The following USP9X variants were observed in gnomAD, a reference collection of about 807,000 sequenced individuals.
The protein encoded by USP9X is ubiquitin specific peptidase 9 X-linked, also known as ubiquitin carboxyl-terminal hydrolase 9X.
USP9X carries 7 observed loss-of-function variants against 190.3 expected under a neutral mutation model. The observed-to-expected ratio is 0.04, with a 90% CI of 0.02 to 0.07. The LOEUF is 0.07. Among genes scored for constraint, USP9X ranks in the 10% least tolerant of loss-of-function variants. USP9X has a pLI of 1.00. For missense variants in USP9X, 1,010 were observed against 1,916.9 expected (o/e 0.53, Z 8.83); for synonymous variants, 645 against 659.5 (o/e 0.98, Z 0.34).
Position 41,212,528 on chromosome X carries a change from CAA to C in USP9X, c.5189+1848_5189+1849del, listed in dbSNP as rs1197338798. Among the ~76,000 whole-genome samples the C allele has an allele frequency of 7.5e-5, 7 of 93,494 alleles. No individual in the cohort carries two copies. The East Asian group carries it at 1.7e-3, about 23-fold the overall frequency. 81.2% of individuals were successfully genotyped at this position (93,494 alleles called of 115,157 possible). Reference sequence around the variant, plus strand: ...TTTTACAAGAAAAACATTGACAAAACAAATTGTTTGACTTGAAAATTGATTAA... The same window carrying C: ...TTTTACAAGAAAAACATTGACAAAACATTGTTTGACTTGAAAATTGATTAA... On this transcript the variant is annotated intron_variant, in intron 33 of 44. Transcript: ENST00000378308.
chrX:41,182,415 C>CT (rs777620374), intron 21 of USP9X, among the ~76,000 whole-genome samples: 123 of 102,081 alleles, frequency 1.2e-3, no homozygotes, highest in Admixed American at 2.1e-3. Flanking sequence ...TTGAGCTCTT[C>CT]TTTTTTTTTT....
At chrX:41,135,251 T>C (rs901077499) in intron 5 of USP9X, among the ~76,000 whole-genome samples, 5 of 110,968 alleles carry the variant, frequency 4.5e-5, no homozygotes, top group East Asian at 2.8e-4. Flanking sequence ...ATGAACTTGC[T>C]ATGCAGAAAG....
chrX:41,085,526 T>C lies in USP9X; in HGVS notation c.-742T>C, dbSNP rs1163353655. 1.2e-4 allele frequency: 18 copies of C among 154,319 alleles called. No individual in the cohort carries two copies. In the East Asian group the frequency reaches 2.2e-3, roughly 19 times the overall value. 12.7% of individuals were successfully genotyped at this position (154,319 alleles called of 1,213,427 possible). A position where few individuals can be genotyped will look rare whatever the true frequency, so the allele number is the denominator to read the frequency against. On this transcript the variant is annotated 5_prime_UTR_variant, in exon 1 of 45. Coordinates refer to ENST00000378308, the MANE Select transcript of USP9X (RefSeq NM_001039591.3). ...CTCCGCCGCCGCCGGAGCCGCAACC[T>C]CTCCGCACCCGGCCCCGTCAGGGCC...
Position 41,168,117 on chromosome X carries a change from G to A in USP9X, c.2535G>A (p.Gln845=). The part of the protein sequence containing the change: ...GDKDSVNCAR[Q]EAVRMVRVLT... ...AAGACAGTGTTAATTGTGCAAGACAGGAAGCTGTTCGAATGGTTCGAGTAT... is the reference window on the plus strand; with the variant it reads ...AAGACAGTGTTAATTGTGCAAGACAAGAAGCTGTTCGAATGGTTCGAGTAT... Residue 845 remains glutamine (Q), a synonymous_variant, in exon 18 of 45, where the codon CAG becomes CAA. Coordinates refer to ENST00000378308, the MANE Select transcript of USP9X (RefSeq NM_001039591.3). 8.3e-7 allele frequency: 1 copy of A among 1,211,300 alleles called. No individual in the cohort carries two copies. The highest frequency in any genetic ancestry group is 1.1e-6 in the Non-Finnish European group (1 of 895,144).
chrX:41,229,319 T>A lies in USP9X; in HGVS notation c.7128T>A (p.Ser2376=). The A allele has an allele frequency of 8.3e-7, 1 of 1,200,523 alleles. No individual in the cohort carries two copies. The highest frequency in any genetic ancestry group is 3.0e-5 in the East Asian group (1 of 33,622). Residue 2376 remains serine, a synonymous_variant, in exon 42 of 45, where the codon TCT becomes TCA. Transcript: ENST00000378308. ...RDGLFDTIQR[S]KNHYQKRAYQ... ...GGCTGTTTGACACAATCCAGCGCTC[T>A]AAGAATCACTATCAAAAAAGAGCAT...
intron 2 of USP9X, among the ~76,000 whole-genome samples, chrX:41,125,306 C>T (rs943847357): frequency 2.7e-5 from 3 of 109,463 alleles, no homozygotes; most frequent in Non-Finnish European, 3.8e-5. Context: ...GAACTCCTTA[C>T]CTTGTGATCC....
At position 41,184,069 on chromosome X, in the gene USP9X, C is replaced by T; in HGVS notation, c.3220C>T (p.Pro1074Ser). The T allele has an allele frequency of 8.3e-7, 1 of 1,210,331 alleles. No homozygotes were observed. The highest frequency in any genetic ancestry group is 1.7e-5 in the African/African-American group (1 of 57,733). The change falls in exon 22 of 45, where the codon CCA (proline) becomes TCA (serine). Residue 1074 changes from proline (P) to serine (S), a missense_variant. Pro to Ser is a moderately conservative substitution (Grantham distance 74). Around this residue, in one of 11 missense-constraint regions of USP9X, gnomAD observed 351 missense variants for 480.8 expected, o/e 0.73. Transcript: ENST00000378308. ...CAAACTTGGAGAAAGCAGCCTTAGT[C>T]CATCTCTTGACTCACTTTTCTTTGG... Reference protein sequence around the residue: ...HAKLGESSLSPSLDSLFFGPS... With the variant: ...HAKLGESSLSSSLDSLFFGPS...
chrX:41,150,069 C>G (rs2147072481), intron 12 of USP9X, among the ~76,000 whole-genome samples: 1 of 109,807 alleles, frequency 9.1e-6, no homozygotes, highest in East Asian at 2.8e-4. Flanking sequence ...ATTAATATCA[C>G]TTAAGAGTAT....
At chrX:41,175,978 G>A (rs1193435787) in intron 21 of USP9X, among the ~76,000 whole-genome samples, 2 of 109,331 alleles carry the variant, frequency 1.8e-5, no homozygotes, top group Non-Finnish European at 1.9e-5. Flanking sequence ...TGCAACCTCC[G>A]CCTCCCTGGT....
intron 21 of USP9X, 69 bp downstream of exon 21, chrX:41,172,027 C>A: frequency 8.7e-7 from 1 of 1,151,240 alleles, no homozygotes; most frequent in Middle Eastern, 2.4e-4. Flanking sequence ...AATTCTGTTT[C>A]TAAATGGACC....
intron 1 of USP9X, among the ~76,000 whole-genome samples, chrX:41,110,751 AG>A (rs1418742077): frequency 1.8e-5 from 2 of 112,256 alleles, no homozygotes; most frequent in Non-Finnish European, 3.8e-5. Context: ...GGGAAATGAG[AG>A]ACAAAGTTGG....
intron 15 of USP9X, 33 bp downstream of exon 15, chrX:41,162,910 A>G: frequency 8.9e-7 from 1 of 1,119,821 alleles, no homozygotes; most frequent in Middle Eastern, 2.4e-4. Context: ...TGCTCTCTTT[A>G]AGAAAAAGAT....
chrX:41,179,822 A>G (rs940196576), intron 21 of USP9X, among the ~76,000 whole-genome samples: 3 of 111,161 alleles, frequency 2.7e-5, no homozygotes, highest in Non-Finnish European at 3.8e-5. Flanking sequence ...TTAGTGGGGC[A>G]TTAATTTATA....
At chrX:41,173,188 C>T (rs899494191) in intron 21 of USP9X, among the ~76,000 whole-genome samples, 4 of 111,570 alleles carry the variant, frequency 3.6e-5, no homozygotes, top group Admixed American at 9.6e-5. Context: ...TCCAGCTCTT[C>T]TGTTGGCTTT....
chrX:41,184,856 T>C lies in USP9X; in HGVS notation c.3558+181T>C, dbSNP rs1250314724. 2.0e-5 allele frequency: 8 copies of C among 400,028 alleles called. No individual in the cohort carries two copies. In the East Asian group the frequency reaches 3.3e-4, roughly 17 times the overall value. The allele number at this position is 400,028 out of a possible 1,213,427, so 33.0% of individuals were successfully genotyped here. ...AATACTTTTCGCTGACAGCTGATAA[T>C]CTGAGGGTAGTTTCTCCCTGCCCAC... On this transcript the variant is annotated intron_variant, in intron 23 of 44. Transcript: ENST00000378308.
chrX:41,199,269 TTTG>T (rs1376828837), intron 30 of USP9X, among the ~76,000 whole-genome samples: 1 of 112,194 alleles, frequency 8.9e-6, no homozygotes, highest in Non-Finnish European at 1.9e-5. Flanking sequence ...AATTCAAACA[TTTG>T]TTAAGTGGCA....
In USP9X at chrX:41,186,534, T is replaced by C; in HGVS notation, c.3576T>C (p.His1192=). Residue 1192 remains histidine, a synonymous_variant, in exon 24 of 45, where the codon CAT becomes CAC. Coordinates refer to ENST00000378308, the MANE Select transcript of USP9X (RefSeq NM_001039591.3). ...NPMTQINQVT[H]DQAVVLQSAL... ...TTTTTCAGATCAACCAAGTTACCCA[T>C]GATCAAGCAGTGGTGCTACAAAGTG... The C allele has an allele frequency of 8.3e-7, 1 of 1,211,600 alleles. No individual in the cohort carries two copies. Among genetic ancestry groups the C allele is most frequent in the Non-Finnish European group, 1.1e-6 (1 of 895,279 alleles).
At chrX:41,198,842 G>A (rs1274820862) in intron 30 of USP9X, 92 bp downstream of exon 30, 22 of 864,884 alleles carry the variant, frequency 2.5e-5, no homozygotes, top group Non-Finnish European at 3.5e-5. Flanking sequence ...TCCAACTTAC[G>A]TATTTCTTTC....
At position 41,193,572 on chromosome X, in the gene USP9X, C is replaced by T. The variant is rs773516576; in HGVS notation, c.3978-2679C>T. 7.2e-5 allele frequency among the ~76,000 whole-genome samples: 8 copies of T among 111,248 alleles called. No homozygotes were observed. The East Asian group carries it at 2.0e-3, about 28-fold the overall frequency. The stretch of plus-strand genomic sequence containing the variant: ...CAACTACTCAGGAGGCTAAAGTGGG[C>T]AGATCACCTGAGCCCGGAGAGGATG... On this transcript the variant is annotated intron_variant, in intron 26 of 44. Coordinates refer to ENST00000378308, the MANE Select transcript of USP9X (RefSeq NM_001039591.3).
Sources: allele counts gnomAD v4.1 joint callset (sites outside exome capture counted in the v4.1 genomes callset), GRCh38; gene constraint gnomAD v4.1.1; regional missense constraint gnomAD v4.1.1; transcripts MANE v1.5; gene names NCBI Gene and HGNC (gene_info 2026-07-23, HGNC 2026-07-21).